The following KCTD16 variants were observed in gnomAD, a reference collection of about 807,000 sequenced individuals.
KCTD16 encodes the protein potassium channel tetramerization domain containing 16, also known as BTB/POZ domain-containing protein KCTD16.
A neutral mutation model predicts 33.2 loss-of-function variants in KCTD16; 13 were observed. That is an observed-to-expected ratio of 0.39 (90% CI 0.25 to 0.62). KCTD16 has a LOEUF of 0.62. KCTD16 is among the 20% of genes least tolerant of loss of function. KCTD16 has a pLI of 0.50. For synonymous variants in KCTD16, 197 were observed against 195.3 expected, an observed-to-expected ratio of 1.01 and a Z score of -0.07; for missense variants, 441 against 525.1, an observed-to-expected ratio of 0.84 and a Z score of 1.57.
intron 3 of KCTD16, among the ~76,000 whole-genome samples, chr5:144,222,640 C>T (rs958965953): frequency 1.1e-4 from 17 of 152,136 alleles, no homozygotes; most frequent in Non-Finnish European, 7.4e-5. Flanking sequence ...AGTCAGGAAA[C>T]GACAGGTGCT....
At chr5:144,180,763 G>T (rs997662850) in intron 2 of KCTD16, among the ~76,000 whole-genome samples, 2 of 152,208 alleles carry the variant, frequency 1.3e-5, no homozygotes, top group South Asian at 4.1e-4. Context: ...AAACATGGCG[G>T]CTGTAGTCTG....
At position 144,474,167 on chromosome 5, in the gene KCTD16, C is replaced by A; in HGVS notation, c.*53C>A. The A allele has an allele frequency of 7.3e-7, 1 of 1,360,558 alleles. No individual in the cohort carries two copies. Among genetic ancestry groups the A allele is most frequent in the Non-Finnish European group, 1.0e-6 (1 of 990,154 alleles). The allele number at this position is 1,360,558 out of a possible 1,614,324, so 84.3% of individuals were successfully genotyped here. ...AAAAAAGTCATTTTGAAATTAACCT[C>A]CTAAAAGGAATTCATATTTTAAAGG... On this transcript the variant is annotated 3_prime_UTR_variant, in exon 4 of 4. Transcript: ENST00000512467.
chr5:144,373,325 G>A (rs890378810), intron 3 of KCTD16, among the ~76,000 whole-genome samples: 1 of 152,152 alleles, frequency 6.6e-6, no homozygotes, highest in African/African-American at 2.4e-5. Context: ...GGGGTGGTAA[G>A]CAAGACATGG....
chr5:144,344,314 C>A (rs912684240), intron 3 of KCTD16, among the ~76,000 whole-genome samples: 2 of 150,550 alleles, frequency 1.3e-5, no homozygotes, highest in Admixed American at 6.6e-5. Flanking sequence ...GACTTCATGT[C>A]TAAAACACCA....
chr5:144,351,335 C>T (rs1182947855), intron 3 of KCTD16, among the ~76,000 whole-genome samples: 1 of 152,064 alleles, frequency 6.6e-6, no homozygotes, highest in Non-Finnish European at 1.5e-5. Context: ...CAGGGAAATG[C>T]CAATTAAAAC....
intron 3 of KCTD16, among the ~76,000 whole-genome samples, chr5:144,259,152 G>A (rs923627291): frequency 4.0e-5 from 6 of 151,028 alleles, no homozygotes; most frequent in Non-Finnish European, 7.4e-5. Flanking sequence ...CAGCTACTCA[G>A]GAGACTGAGG....
At chr5:144,352,616 A>T (rs531130119) in intron 3 of KCTD16, among the ~76,000 whole-genome samples, 1 of 152,308 alleles carries the variant, frequency 6.6e-6, no homozygotes, top group East Asian at 1.9e-4. Context: ...TGAATTGTGG[A>T]TGTTAAAATT....
intron 3 of KCTD16, among the ~76,000 whole-genome samples, chr5:144,396,349 G>T (rs890227872): frequency 6.6e-6 from 1 of 152,080 alleles, no homozygotes; most frequent in African/African-American, 2.4e-5. Flanking sequence ...TGTCCAAGAG[G>T]CATAACTGAT....
chr5:144,372,974 TG>T (rs1752002149), intron 3 of KCTD16, among the ~76,000 whole-genome samples: 1 of 152,090 alleles, frequency 6.6e-6, no homozygotes, highest in Non-Finnish European at 1.5e-5. Flanking sequence ...TATAATAATC[TG>T]GGGTAGTCTA....
At chr5:144,261,167 C>CAAAAAAAAAAAAAA (rs1299878040) in intron 3 of KCTD16, among the ~76,000 whole-genome samples, 361 of 76,986 alleles carry the variant, frequency 4.7e-3, no homozygotes, top group East Asian at 6.6e-3. Flanking sequence ...GGAACAACAA[C>CAAAAAAAAAAAAAA]AAAAAAAAAA....
At chr5:144,426,891 C>T (rs530328742) in intron 3 of KCTD16, among the ~76,000 whole-genome samples, 10 of 152,210 alleles carry the variant, frequency 6.6e-5, no homozygotes, top group African/African-American at 2.4e-4. Flanking sequence ...CATTTCCAAC[C>T]TCTTAATACT....
intron 3 of KCTD16, among the ~76,000 whole-genome samples, chr5:144,469,977 T>C (rs1170750916): frequency 4.6e-5 from 7 of 151,492 alleles, no homozygotes; most frequent in African/African-American, 1.7e-4. Flanking sequence ...TTAATATCAA[T>C]AAATCAGACT....
chr5:144,225,555 TG>T (rs1753905471), intron 3 of KCTD16, among the ~76,000 whole-genome samples: 1 of 45,316 alleles, frequency 2.2e-5, no homozygotes, highest in African/African-American at 9.5e-5. Context: ...AAATAAATTG[TG>T]TGTGTGTGTG....
chr5:144,407,849 C>A (rs754130577), intron 3 of KCTD16, among the ~76,000 whole-genome samples: 20 of 152,304 alleles, frequency 1.3e-4, no homozygotes, highest in Non-Finnish European at 2.6e-4. Context: ...CCAGCTTCAA[C>A]CATGTCCCTG....
intron 3 of KCTD16, among the ~76,000 whole-genome samples, chr5:144,416,269 G>T (rs535023936): frequency 4.4e-4 from 67 of 152,292 alleles, no homozygotes; most frequent in African/African-American, 1.6e-3. Context: ...GTTTACAAGA[G>T]AAAAATAGGT....
chr5:144,194,561 G>A (rs1200063315), intron 2 of KCTD16, among the ~76,000 whole-genome samples: 1 of 152,162 alleles, frequency 6.6e-6, no homozygotes, highest in Non-Finnish European at 1.5e-5. Context: ...AAAAAGACAC[G>A]AAGCAATGTG....
chr5:144,429,603 T>C (rs993532827), intron 3 of KCTD16, among the ~76,000 whole-genome samples: 9 of 152,104 alleles, frequency 5.9e-5, no homozygotes, highest in African/African-American at 2.2e-4. Context: ...GTCTGAGTCA[T>C]ACACCTATCC....
At chr5:144,261,061 G>A (rs998085263) in intron 3 of KCTD16, among the ~76,000 whole-genome samples, 1 of 150,728 alleles carries the variant, frequency 6.6e-6, no homozygotes, top group Non-Finnish European at 1.5e-5. Context: ...GTCCCAATTA[G>A]CTTAGCAACA....
intron 3 of KCTD16, among the ~76,000 whole-genome samples, chr5:144,438,196 G>C (rs1580964892): frequency 6.6e-6 from 1 of 152,146 alleles, no homozygotes; most frequent in South Asian, 2.1e-4. Flanking sequence ...GCCAGCACTA[G>C]AGCATTTGTA....
Sources: allele counts gnomAD v4.1 joint callset (sites outside exome capture counted in the v4.1 genomes callset), GRCh38; gene constraint gnomAD v4.1.1; transcripts MANE v1.5; gene names NCBI Gene and HGNC (gene_info 2026-07-23, HGNC 2026-07-21).